Variants in UQCC2 observed in about 807,000 individuals in gnomAD.
UQCC2 encodes the protein ubiquinol-cytochrome c reductase complex assembly factor 2.
Under a neutral mutation model 19.9 loss-of-function variants are expected in UQCC2, and 21 were observed. The observed-to-expected ratio is 1.05, with a 90% confidence interval of 0.75 to 1.52. UQCC2 has a LOEUF of 1.52. UQCC2 is among the 40% of genes most tolerant of loss of function. UQCC2 has a pLI of 0.00. For missense variants in UQCC2, 135 were observed against 157.5 expected, an observed-to-expected ratio of 0.86 and a Z score of 0.76; for synonymous variants, 57 against 60.9, an observed-to-expected ratio of 0.94 and a Z score of 0.30.
At chr6:33,711,447 G>T in intron 1 of UQCC2, 102 bp downstream of exon 1, 1 of 1,457,126 alleles carries the variant, frequency 6.9e-7, no homozygotes, top group East Asian at 2.5e-5. Context: ...TGCCTGGAAA[G>T]AGGGCGCGCG....
chr6:33,704,329 C>A (rs1486002496), intron 1 of UQCC2, among the ~76,000 whole-genome samples: 1 of 152,182 alleles, frequency 6.6e-6, no homozygotes, highest in African/African-American at 2.4e-5. Flanking sequence ...AGGATGGGCG[C>A]ATGTACCGGC....
At chr6:33,699,981 C>G (rs531346422) in intron 3 of UQCC2, among the ~76,000 whole-genome samples, 1 of 152,294 alleles carries the variant, frequency 6.6e-6, no homozygotes, top group Non-Finnish European at 1.5e-5. Flanking sequence ...ATCAATGACT[C>G]TAAAACATAC....
chr6:33,710,893 C>T (rs567266584), intron 1 of UQCC2, among the ~76,000 whole-genome samples: 23 of 152,220 alleles, frequency 1.5e-4, no homozygotes, highest in Non-Finnish European at 3.1e-4. Flanking sequence ...TCACACACAG[C>T]TGCGTGAGCT....
intron 3 of UQCC2, chr6:33,698,109 C>T: frequency 5.1e-6 from 1 of 197,672 alleles, no homozygotes; most frequent in Non-Finnish European, 1.1e-5. Flanking sequence ...TGCTTCATCG[C>T]AAAATTTGGC....
intron 1 of UQCC2, among the ~76,000 whole-genome samples, chr6:33,703,941 CCTT>C (rs1274350974): frequency 1.3e-5 from 2 of 152,236 alleles, no homozygotes; most frequent in Non-Finnish European, 2.9e-5. Context: ...CTTTTAGTCT[CCTT>C]TAATCCGGGA....
intron 1 of UQCC2, among the ~76,000 whole-genome samples, chr6:33,705,354 T>C (rs1765688190): frequency 6.6e-6 from 1 of 152,156 alleles, no homozygotes; most frequent in Non-Finnish European, 1.5e-5. Context: ...AAACTTCCTG[T>C]GTGAAAGAGA....
intron 1 of UQCC2, among the ~76,000 whole-genome samples, chr6:33,710,276 C>A (rs1765750707): frequency 6.6e-6 from 1 of 152,160 alleles, no homozygotes; most frequent in South Asian, 2.1e-4. Flanking sequence ...AGCCCACTCA[C>A]CACATACAAC....
chr6:33,706,601 T>C (rs1292917456), intron 1 of UQCC2, among the ~76,000 whole-genome samples: 1 of 152,194 alleles, frequency 6.6e-6, no homozygotes, highest in Non-Finnish European at 1.5e-5. Context: ...TGAGTTTCAC[T>C]GCAGCGACAG....
intron 3 of UQCC2, 65 bp downstream of exon 3, chr6:33,700,379 C>T (rs1366093851): frequency 6.4e-7 from 1 of 1,564,812 alleles, no homozygotes; most frequent in Admixed American, 1.7e-5. Flanking sequence ...AGACAATTCC[C>T]CTTGGCCACT....
chr6:33,699,250 C>T (rs1765610270), intron 3 of UQCC2, among the ~76,000 whole-genome samples: 1 of 152,228 alleles, frequency 6.6e-6, no homozygotes, highest in African/African-American at 2.4e-5. Flanking sequence ...AAATATGAGG[C>T]TTGCTGTGAA....
intron 3 of UQCC2, chr6:33,698,060 T>C (rs1444056399): frequency 1.4e-5 from 5 of 356,954 alleles, no homozygotes; most frequent in Non-Finnish European, 2.6e-5. Context: ...GGCAAAGAAA[T>C]GGCCCTGCGC....
intron 1 of UQCC2, among the ~76,000 whole-genome samples, chr6:33,704,145 TCA>T (rs1353237652): frequency 4.6e-5 from 7 of 152,222 alleles, no homozygotes; most frequent in Non-Finnish European, 8.8e-5. Context: ...TTAGTTTTTC[TCA>T]CAGTTATTAG....
chr6:33,697,577 A>C lies in UQCC2; in HGVS notation c.*76T>G. ...TTCCCAAACCGTAAGGTCAAGGGGAAACTGGGGCAGTTTTATTGACGATGG... is the reference window on the plus strand; with the variant it reads ...TTCCCAAACCGTAAGGTCAAGGGGACACTGGGGCAGTTTTATTGACGATGG... On this transcript the variant is annotated 3_prime_UTR_variant, in exon 4 of 4. Transcript: ENST00000607484. The C allele has an allele frequency of 8.7e-7, 1 of 1,142,920 alleles. No individual in the cohort carries two copies. Among genetic ancestry groups the C allele is most frequent in the Non-Finnish European group, 1.3e-6 (1 of 794,736 alleles). The allele number at this position is 1,142,920 out of a possible 1,614,324, so 70.8% of individuals were successfully genotyped here.
At chr6:33,700,347 C>T in intron 3 of UQCC2, 97 bp downstream of exon 3, 1 of 1,383,652 alleles carries the variant, frequency 7.2e-7, no homozygotes, top group Non-Finnish European at 1.0e-6. Flanking sequence ...CAAGACTTTC[C>T]ATCAAGCAAA....
chr6:33,701,429 C>G lies in UQCC2; in HGVS notation c.139-9G>C, dbSNP rs1765639089. ...GCCTCAGGCTCTGCAACCTGAAAAGCAAAGAATCCCAAAGGAGGTGAGCAA... is the reference window on the plus strand; with the variant it reads ...GCCTCAGGCTCTGCAACCTGAAAAGGAAAGAATCCCAAAGGAGGTGAGCAA... On this transcript the variant is annotated splice_polypyrimidine_tract_variant and intron_variant, in intron 1 of 3. Coordinates refer to ENST00000607484, the MANE Select transcript of UQCC2 (RefSeq NM_032340.4). 6.2e-7 allele frequency: 1 copy of G among 1,612,866 alleles called. No homozygotes were observed. The highest frequency in any genetic ancestry group is 8.5e-7 in the Non-Finnish European group (1 of 1,179,504).
chr6:33,700,516 G>A lies in UQCC2; in HGVS notation c.214-3C>T, dbSNP rs587777410. On this transcript the variant is annotated splice_region_variant and splice_polypyrimidine_tract_variant and intron_variant, in intron 2 of 3. Coordinates refer to ENST00000607484, the MANE Select transcript of UQCC2 (RefSeq NM_032340.4). ...CTGGTGTCTCTGGGGCGAGGGTACT[G>A]GTCACCGGGGCAGAAAGGAAGTGAA... 16 of 1,613,990 alleles carry A rather than the reference G, an allele frequency of 9.9e-6. No individual in the cohort carries two copies. The highest frequency in any genetic ancestry group is 1.4e-5 in the Non-Finnish European group (16 of 1,179,992).
intron 1 of UQCC2, among the ~76,000 whole-genome samples, 162 bp from the exon 2 acceptor site, chr6:33,701,582 TCTG>T (rs1765641147): frequency 6.6e-6 from 1 of 152,122 alleles, no homozygotes; most frequent in African/African-American, 2.4e-5. Context: ...GGACTACAGC[TCTG>T]CTATTAGAAA....
Position 33,703,144 on chromosome 6 carries a change from T to C in UQCC2, c.139-1724A>G, listed in dbSNP as rs371159179. 3.6e-4 allele frequency among the ~76,000 whole-genome samples: 55 copies of C among 152,366 alleles called. No individual in the cohort carries two copies. The Middle Eastern group carries it at 0.01, about 28-fold the overall frequency. ...GGAAAGTCCCATTAGAATGGAATTC[T>C]GCACACATCTGGGCGAACACATCTG... On this transcript the variant is annotated intron_variant, in intron 1 of 3. Transcript: ENST00000607484.
intron 1 of UQCC2, among the ~76,000 whole-genome samples, chr6:33,704,672 C>G (rs562533410): frequency 6.6e-6 from 1 of 152,312 alleles, no homozygotes; most frequent in East Asian, 1.9e-4. Context: ...ACAAGCTGAT[C>G]TGCCTTCCTC....
Sources: gnomAD v4.1 joint callset for allele counts (sites outside exome capture counted in the v4.1 genomes callset) on GRCh38, gnomAD v4.1.1 for gene constraint, MANE v1.5 for transcripts, NCBI Gene and HGNC (gene_info 2026-07-23, HGNC 2026-07-21) for gene names.